The following MAPRE3 variants were observed in gnomAD, a reference collection of about 807,000 sequenced individuals.
MAPRE3 encodes microtubule associated protein RP/EB family member 3.
A neutral mutation model predicts 30.5 loss-of-function variants in MAPRE3; 2 were observed. That is an observed-to-expected ratio of 0.07 (90% CI 0.03 to 0.21). The LOEUF is 0.21. MAPRE3 is among the 10% of genes least tolerant of loss of function. The pLI is 1.00. For missense variants in MAPRE3, 204 were observed against 351.8 expected (o/e 0.58, Z 3.36); for synonymous variants, 110 against 127.7 (o/e 0.86, Z 0.93).
rs1292455933 is a variant in MAPRE3 at position 26,995,827 on chromosome 2, G to GTGTGTGTGTA, written c.-8+25028_-8+25029insGTGTGTATGT. 2.7e-5 allele frequency among the ~76,000 whole-genome samples: 4 copies of GTGTGTGTGTA among 149,546 alleles called. 1 individual carries two copies. The highest frequency in any genetic ancestry group is 2.5e-5 in the African/African-American group (1 of 40,230). On this transcript the variant is annotated intron_variant, in intron 1 of 6. Transcript: ENST00000233121. ...TGTGTGTGTGTGTGTGTGTGTGTGTGTGTATGTGTGTGTGTTTTGGAAAAG... is the reference window on the plus strand; with the variant it reads ...TGTGTGTGTGTGTGTGTGTGTGTGTGTGTGTGTGTATGTATGTGTGTGTGTTTTGGAAAAG...
chr2:26,991,932 T>C (rs1438095896), intron 1 of MAPRE3, among the ~76,000 whole-genome samples: 1 of 152,152 alleles, frequency 6.6e-6, no homozygotes, highest in Non-Finnish European at 1.5e-5. Context: ...CTTGACCTCC[T>C]TAGGCCACAC....
intron 1 of MAPRE3, among the ~76,000 whole-genome samples, chr2:26,972,980 G>A (rs552484495): frequency 2.0e-5 from 3 of 152,342 alleles, no homozygotes; most frequent in Admixed American, 2.0e-4. Context: ...AGATCAAGGA[G>A]AGGGACATGA....
chr2:26,978,201 G>A (rs1413596460), intron 1 of MAPRE3, among the ~76,000 whole-genome samples: 1 of 152,182 alleles, frequency 6.6e-6, no homozygotes, highest in Non-Finnish European at 1.5e-5. Context: ...TAATTTATAT[G>A]GTGTTCTCTG....
intron 1 of MAPRE3, among the ~76,000 whole-genome samples, chr2:26,977,299 A>G (rs1167668394): frequency 1.3e-5 from 2 of 152,226 alleles, no homozygotes; most frequent in Admixed American, 6.5e-5. Context: ...TCTAGATTCC[A>G]TGTAGTAGAG....
intron 1 of MAPRE3, among the ~76,000 whole-genome samples, chr2:27,017,010 T>C (rs1480144083): frequency 1.3e-5 from 2 of 152,066 alleles, no homozygotes; most frequent in African/African-American, 4.8e-5. Flanking sequence ...GGGGGATACA[T>C]TTAAAGGAGT....
rs925420683 is a variant in MAPRE3 at position 26,986,635 on chromosome 2, G to C, written c.-8+15833G>C. 3.3e-5 allele frequency: 5 copies of C among 152,190 alleles called. No individual in the cohort carries two copies. The highest frequency in any genetic ancestry group is 9.7e-5 in the African/African-American group (4 of 41,434). 9.4% of individuals were successfully genotyped at this position (152,190 alleles called of 1,614,324 possible). On this transcript the variant is annotated intron_variant, in intron 1 of 6. Coordinates refer to ENST00000233121, the MANE Select transcript of MAPRE3 (RefSeq NM_012326.4). The surrounding 1 kb of genome is among the most constrained non-coding windows in gnomAD (Gnocchi z 4.2). ...CTGTAAGTTTTCGAGGTGAGAGCGT[G>C]GGGGAGGGTCTTCTACAGCACTCAC...
intron 1 of MAPRE3, among the ~76,000 whole-genome samples, chr2:27,004,667 G>C (rs1188149347): frequency 6.7e-6 from 1 of 148,706 alleles, no homozygotes; most frequent in Non-Finnish European, 1.5e-5. Context: ...AAAACCTTCT[G>C]ATAAGGATAT....
intron 1 of MAPRE3, among the ~76,000 whole-genome samples, chr2:26,980,708 T>C (rs973410375): frequency 6.6e-6 from 1 of 152,182 alleles, no homozygotes; most frequent in Non-Finnish European, 1.5e-5. Context: ...GTGCAAAGGG[T>C]ACGATTTTTT....
At chr2:27,024,745 G>T (rs1667197331) in intron 4 of MAPRE3, among the ~76,000 whole-genome samples, 1 of 152,156 alleles carries the variant, frequency 6.6e-6, no homozygotes, top group South Asian at 2.1e-4. Flanking sequence ...CACTCTAAAG[G>T]CCCAATAGTC....
chr2:26,991,253 CA>C (rs1007082518), intron 1 of MAPRE3, among the ~76,000 whole-genome samples: 1 of 150,354 alleles, frequency 6.7e-6, no homozygotes, highest in Non-Finnish European at 1.5e-5. Flanking sequence ...GACTCCATCC[CA>C]AAAAAAAAGA....
chr2:27,022,675 A>G (rs1482660337), intron 2 of MAPRE3: 1 of 228,130 alleles, frequency 4.4e-6, no homozygotes, highest in Non-Finnish European at 8.7e-6. Flanking sequence ...TAAACATAGA[A>G]AAGGTGATAA....
At chr2:26,982,238 T>C (rs1053273815) in intron 1 of MAPRE3, among the ~76,000 whole-genome samples, 2 of 152,244 alleles carry the variant, frequency 1.3e-5, no homozygotes, top group African/African-American at 2.4e-5. Flanking sequence ...GTGGTCTTTA[T>C]TCCACCTGCT....
At chr2:26,998,967 C>G (rs1666526124) in intron 1 of MAPRE3, among the ~76,000 whole-genome samples, 1 of 152,148 alleles carries the variant, frequency 6.6e-6, no homozygotes, top group Non-Finnish European at 1.5e-5. Flanking sequence ...AATCCTGATT[C>G]TGTCAGCTAG....
intron 1 of MAPRE3, among the ~76,000 whole-genome samples, chr2:26,981,346 G>C (rs559313665): frequency 5.9e-5 from 9 of 152,026 alleles, no homozygotes; most frequent in Admixed American, 3.9e-4. Flanking sequence ...CCCTAAGGCC[G>C]GAGGTAGAGG....
chr2:27,022,190 C>T (rs1667122955), intron 1 of MAPRE3, 22 bp from the exon 2 acceptor site: 1 of 1,611,610 alleles, frequency 6.2e-7, no homozygotes, highest in African/African-American at 1.3e-5. Flanking sequence ...GTGCTGACCT[C>T]ACCTTTCTTC....
intron 1 of MAPRE3, chr2:27,013,347 G>A (rs963632188): frequency 2.0e-5 from 3 of 152,182 alleles, no homozygotes; most frequent in South Asian, 4.1e-4. Context: ...GCATTAGAGG[G>A]AGACTGTTTA....
chr2:26,992,384 G>A (rs192375501), intron 1 of MAPRE3, among the ~76,000 whole-genome samples: 70 of 120,520 alleles, frequency 5.8e-4, no homozygotes, highest in African/African-American at 1.8e-3. Context: ...GCACCACCAC[G>A]CCTGGCTAAT....
intron 1 of MAPRE3, chr2:26,995,526 C>T (rs1249725619): frequency 6.6e-6 from 1 of 152,138 alleles, no homozygotes; most frequent in Non-Finnish European, 1.5e-5. Context: ...CTGTAAGGGG[C>T]TCCCACTGTG....
chr2:27,023,941 G>GTCTGC, intron 3 of MAPRE3, 155 bp from the exon 4 acceptor site: 1 of 618,316 alleles, frequency 1.6e-6, no homozygotes, highest in Non-Finnish European at 2.9e-6. Flanking sequence ...CAGCCTACCT[G>GTCTGC]TCTGCTCTGG....
Sources: gnomAD v4.1 joint callset for allele counts (sites outside exome capture counted in the v4.1 genomes callset) on GRCh38, gnomAD v4.1.1 for gene constraint, Gnocchi (gnomAD v3.1) non-coding constraint, MANE v1.5 for transcripts, NCBI Gene and HGNC (gene_info 2026-07-23, HGNC 2026-07-21) for gene names.